CC2D2A: variants seen among roughly 807,000 people sequenced by gnomAD.
CC2D2A encodes coiled-coil and C2 domain-containing protein 2A.
In CC2D2A, 155 loss-of-function variants were observed where a neutral mutation model predicts 212.9. The ratio of observed to expected loss-of-function variants is 0.73; its 90% CI spans 0.64 to 0.83. The LOEUF is 0.83. Among genes scored for constraint, CC2D2A ranks in the 40% least tolerant of loss-of-function variants. The pLI is 0.00. For synonymous variants in CC2D2A, 667 were observed against 686.5 expected (o/e 0.97, Z 0.44); for missense variants, 1,856 against 1,956.2 (o/e 0.95, Z 0.97).
In CC2D2A at chr4:15,580,006, T is replaced by C; in HGVS notation, c.3810T>C (p.Thr1270=). 6.2e-7 allele frequency: 1 copy of C among 1,613,814 alleles called. No homozygotes were observed. The highest frequency in any genetic ancestry group is 8.5e-7 in the Non-Finnish European group (1 of 1,179,828). ...AAGATGAGAAATTACTTCAAGCAAC[T>C]GAGAAGTTTCAAGCTGAATGTGCCT... ...SQEDEKLLQA[T]EKFQAECALK... Residue 1270 remains threonine (T), a synonymous_variant, in exon 30 of 37, where the codon ACT becomes ACC. Coordinates refer to ENST00000424120, the MANE Select transcript of CC2D2A (RefSeq NM_001378615.1).
chr4:15,528,274 T>C (rs1466239787), intron 12 of CC2D2A, among the ~76,000 whole-genome samples: 1 of 152,212 alleles, frequency 6.6e-6, no homozygotes, highest in African/African-American at 2.4e-5. Context: ...AAGAATACCA[T>C]CATATGTCCT....
chr4:15,479,554 T>C (rs541364755), intron 3 of CC2D2A, among the ~76,000 whole-genome samples: 2 of 152,176 alleles, frequency 1.3e-5, no homozygotes, highest in Admixed American at 1.3e-4. Context: ...CCCCCCTTGC[T>C]CAGCACACTC....
At chr4:15,493,237 CTTTA>C (rs901472429) in intron 4 of CC2D2A, among the ~76,000 whole-genome samples, 3 of 144,234 alleles carry the variant, frequency 2.1e-5, no homozygotes, top group African/African-American at 7.6e-5. Flanking sequence ...TACCTGGCCA[CTTTA>C]TTTATTATTT....
intron 21 of CC2D2A, among the ~76,000 whole-genome samples, chr4:15,558,576 A>G (rs533327091): frequency 3.3e-5 from 5 of 151,486 alleles, no homozygotes; most frequent in African/African-American, 1.2e-4. Flanking sequence ...ACAAGTTCAC[A>G]TCTAGTATCT....
chr4:15,574,087 T>C, intron 28 of CC2D2A, 63 bp from the exon 29 acceptor site: 1 of 1,370,812 alleles, frequency 7.3e-7, no homozygotes, highest in East Asian at 2.5e-5. Context: ...GAGTTGACAC[T>C]TGCCTCTCAA....
chr4:15,502,496 G>A lies in CC2D2A; in HGVS notation c.315G>A (p.Arg105=), dbSNP rs886113667. 6.2e-7 allele frequency: 1 copy of A among 1,607,088 alleles called. No individual in the cohort carries two copies. The highest frequency in any genetic ancestry group is 8.5e-7 in the Non-Finnish European group (1 of 1,178,170). Residue 105 remains arginine (R), a synonymous_variant, in exon 5 of 37, where the codon AGG becomes AGA. Coordinates refer to ENST00000424120, the MANE Select transcript of CC2D2A (RefSeq NM_001378615.1). ...FAEFSMRGRM[R]EKLQAARSKA... ...AATTTTCCATGAGGGGACGCATGAG[G>A]GAGAAATTGCAAGCAGCGAGGGTGA...
intron 4 of CC2D2A, among the ~76,000 whole-genome samples, chr4:15,492,520 T>G (rs965812972): frequency 6.6e-6 from 1 of 152,110 alleles, no homozygotes; most frequent in African/African-American, 2.4e-5. Context: ...TTGGTTTTTT[T>G]TTTTGAGCAC....
intron 16 of CC2D2A, 134 bp from the exon 17 acceptor site, chr4:15,540,703 G>C: frequency 1.3e-6 from 1 of 769,290 alleles, no homozygotes; most frequent in East Asian, 2.7e-5. Flanking sequence ...GGCTCCTCTG[G>C]TTAAATGAGG....
intron 16 of CC2D2A, among the ~76,000 whole-genome samples, chr4:15,539,363 T>C (rs935954573): frequency 1.3e-5 from 2 of 152,114 alleles, no homozygotes; most frequent in African/African-American, 2.4e-5. Context: ...CTCCAGTAAA[T>C]AGAAGATCTA....
In CC2D2A at chr4:15,549,628, C is replaced by T. The variant is rs969339357; in HGVS notation, c.2182-1196C>T. 7.9e-5 allele frequency among the ~76,000 whole-genome samples: 12 copies of T among 152,258 alleles called. No homozygotes were observed. The East Asian group carries it at 1.5e-3, about 20-fold the overall frequency. On this transcript the variant is annotated intron_variant, in intron 17 of 36. Transcript: ENST00000424120. The stretch of plus-strand genomic sequence containing the variant: ...GACCAGCCTGGCCAACGTGGTGAAA[C>T]GCTGTCTCTACTAAAAATACAAACA...
At chr4:15,492,456 A>G (rs1469745103) in intron 4 of CC2D2A, among the ~76,000 whole-genome samples, 3 of 151,288 alleles carry the variant, frequency 2.0e-5, no homozygotes, top group Non-Finnish European at 4.4e-5. Flanking sequence ...AAACCTTCCA[A>G]TGGCTCTCAC....
intron 1 of CC2D2A, 108 bp from the exon 2 acceptor site, chr4:15,475,807 C>A: frequency 1.1e-6 from 1 of 895,846 alleles, no homozygotes; most frequent in Non-Finnish European, 1.8e-6. Flanking sequence ...GTCTACCCAG[C>A]TCAAACACTT....
At chr4:15,482,235 T>C (rs942453779) in intron 4 of CC2D2A, 4 of 985,050 alleles carry the variant, frequency 4.1e-6, no homozygotes, top group Non-Finnish European at 4.8e-6. Context: ...AGAGCTGTTA[T>C]GAATTAATAA....
At position 15,537,038 on chromosome 4, in the gene CC2D2A, A is replaced by G; in HGVS notation, c.1726A>G (p.Thr576Ala). Reference protein sequence around the residue: ...EYAQKMEEYRTSLQQWKAWRK... With the variant: ...EYAQKMEEYRASLQQWKAWRK... ...CGCACAGAAGATGGAAGAATACAGA[A>G]CGTCGTTACAACAGTGGAAGGCCTG... The change falls in exon 15 of 37, where the codon ACG becomes GCG. Residue 576 changes from threonine to alanine, a missense_variant. Around this residue, in one of 5 missense-constraint regions of CC2D2A, gnomAD observed 1,512 missense variants for 1,579.3 expected, o/e 0.96. Coordinates refer to ENST00000424120, the MANE Select transcript of CC2D2A (RefSeq NM_001378615.1). 6.2e-7 allele frequency: 1 copy of G among 1,613,710 alleles called. No individual in the cohort carries two copies. Among genetic ancestry groups the G allele is most frequent in the Non-Finnish European group, 8.5e-7 (1 of 1,179,690 alleles).
chr4:15,530,573 TC>T (rs1418179185), intron 13 of CC2D2A, among the ~76,000 whole-genome samples: 2 of 152,076 alleles, frequency 1.3e-5, no homozygotes, highest in Non-Finnish European at 2.9e-5. Flanking sequence ...ACGTGTGAGA[TC>T]TAGAGACAAT....
intron 11 of CC2D2A, among the ~76,000 whole-genome samples, chr4:15,524,267 G>A (rs895710892): frequency 6.6e-6 from 1 of 151,348 alleles, no homozygotes; most frequent in Non-Finnish European, 1.5e-5. Flanking sequence ...CGAGTAGCTG[G>A]GATTATAGGC....
chr4:15,586,345 A>C (rs1031707332), intron 31 of CC2D2A, 99 bp downstream of exon 31: 1 of 689,378 alleles, frequency 1.5e-6, no homozygotes, highest in African/African-American at 1.8e-5. Context: ...TTCATTAGCC[A>C]TAAAAATCTA....
intron 24 of CC2D2A, among the ~76,000 whole-genome samples, chr4:15,566,451 G>A (rs983077895): frequency 2.6e-5 from 4 of 152,124 alleles, no homozygotes; most frequent in Non-Finnish European, 5.9e-5. Context: ...ATCTATGGAG[G>A]GAAAGGCAGG....
intron 19 of CC2D2A, 143 bp downstream of exon 19, chr4:15,553,448 A>C: frequency 1.1e-6 from 1 of 915,662 alleles, no homozygotes; most frequent in South Asian, 1.8e-5. Flanking sequence ...TTCTTAAGGT[A>C]AAAACAAAAA....
Sources: allele counts gnomAD v4.1 joint callset (sites outside exome capture counted in the v4.1 genomes callset), GRCh38; gene constraint gnomAD v4.1.1; regional missense constraint gnomAD v4.1.1; transcripts MANE v1.5; gene names NCBI Gene and HGNC (gene_info 2026-07-23, HGNC 2026-07-21).